Variants in BCL11B observed in about 807,000 individuals in gnomAD.
BCL11B encodes B-cell lymphoma/leukemia 11B.
A neutral mutation model predicts 49.9 loss-of-function variants in BCL11B; 8 were observed. The ratio of observed to expected loss-of-function variants is 0.16; its 90% CI spans 0.09 to 0.29. BCL11B has a LOEUF of 0.29. BCL11B is among the 10% of genes least tolerant of loss of function. The pLI is 1.00. For missense variants in BCL11B, 1,006 were observed against 1,351.0 expected (o/e 0.74, Z 4.00); for synonymous variants, 739 against 637.4 (o/e 1.16, Z -2.40).
At chr14:99,179,776 C>G (rs1412018437) in intron 3 of BCL11B, among the ~76,000 whole-genome samples, 1 of 152,136 alleles carries the variant, frequency 6.6e-6, no homozygotes, top group Non-Finnish European at 1.5e-5. Context: ...CCGCCCTAGA[C>G]AACTTTCTTT....
chr14:99,200,793 CAG>C (rs943204829), intron 3 of BCL11B, among the ~76,000 whole-genome samples: 65 of 152,332 alleles, frequency 4.3e-4, no homozygotes, highest in African/African-American at 1.5e-3. Flanking sequence ...TTCCAGAGGG[CAG>C]AGACTGCCCT....
At chr14:99,261,199 T>C (rs1052686800) in intron 1 of BCL11B, among the ~76,000 whole-genome samples, 1 of 151,990 alleles carries the variant, frequency 6.6e-6, no homozygotes, top group Non-Finnish European at 1.5e-5. Flanking sequence ...TGGGTCAGAG[T>C]AAGTGGACCA....
intron 2 of BCL11B, among the ~76,000 whole-genome samples, chr14:99,237,763 C>T (rs370609460): frequency 2.0e-5 from 3 of 152,258 alleles, no homozygotes; most frequent in African/African-American, 4.8e-5. Context: ...AAAAACAGTT[C>T]GAATCTACGT....
intron 3 of BCL11B, among the ~76,000 whole-genome samples, chr14:99,219,479 C>T (rs1003504465): frequency 6.6e-6 from 1 of 152,132 alleles, no homozygotes; most frequent in East Asian, 1.9e-4. Context: ...ACAAAGGACC[C>T]AAGGCCACTC....
chr14:99,230,650 G>A (rs894143671), intron 3 of BCL11B, among the ~76,000 whole-genome samples: 4 of 152,314 alleles, frequency 2.6e-5, no homozygotes, highest in Admixed American at 2.6e-4. Flanking sequence ...TCACCACACC[G>A]GCCCATCTGC....
Position 99,224,598 on chromosome 14 carries a change from C to T in BCL11B, c.640+6747G>A, listed in dbSNP as rs75187744. Among the ~76,000 whole-genome samples, 680 of 152,274 alleles carry T rather than the reference C, an allele frequency of 4.5e-3. 37 individuals are homozygous for T. The East Asian group carries it at 0.11, about 25-fold the overall frequency. ...GGCTTTCCGGCATCTCAGCTTTCTCCCTCCTTCCCTTCCCACCGGCCTTTT... is the reference window on the plus strand; with the variant it reads ...GGCTTTCCGGCATCTCAGCTTTCTCTCTCCTTCCCTTCCCACCGGCCTTTT... On this transcript the variant is annotated intron_variant, in intron 3 of 3. Coordinates refer to ENST00000357195, the MANE Select transcript of BCL11B (RefSeq NM_138576.4).
At chr14:99,254,084 C>A (rs985368076) in intron 2 of BCL11B, among the ~76,000 whole-genome samples, 3 of 152,220 alleles carry the variant, frequency 2.0e-5, no homozygotes, top group Non-Finnish European at 2.9e-5. Context: ...TGCCCATTAT[C>A]CCCATGTTGG....
Position 99,192,204 on chromosome 14 carries a change from C to T in BCL11B, c.641-16009G>A, listed in dbSNP as rs1019214005. On this transcript the variant is annotated intron_variant, in intron 3 of 3. Coordinates refer to ENST00000357195, the MANE Select transcript of BCL11B (RefSeq NM_138576.4). This position sits in a 1 kb window ranked among gnomAD's most constrained non-coding sequence, Gnocchi z 4.0. ...GACGGAATGCGTGTGTTTTGCTTGG[C>T]GGCTGTTCATAATACTGTCTTGGCA... Among the ~76,000 whole-genome samples the T allele has an allele frequency of 3.6e-4, 55 of 152,166 alleles. 2 individuals carry two copies. The highest frequency in any genetic ancestry group is 3.2e-3 in the Admixed American group (49 of 15,282).
rs1354878258 is a variant in BCL11B at position 99,231,459 on chromosome 14, C to A, written c.526G>T (p.Ala176Ser). The A allele has an allele frequency of 7.5e-6, 12 of 1,597,282 alleles. No homozygotes were observed. The highest frequency in any genetic ancestry group is 1.0e-5 in the Non-Finnish European group (12 of 1,172,036). Residue 176 changes from alanine (A) to serine (S), a missense_variant, in exon 3 of 4, where the codon GCT becomes TCT. Ala to Ser is a moderately conservative substitution (Grantham distance 99). Around this residue, in one of 6 missense-constraint regions of BCL11B, gnomAD observed 411 missense variants for 542.2 expected, o/e 0.76. Coordinates refer to ENST00000357195, the MANE Select transcript of BCL11B (RefSeq NM_138576.4). The surrounding 1 kb of genome is among the most constrained non-coding windows in gnomAD (Gnocchi z 8.1). ...VITSPLRALG[A>S]LPPCLPLPCC... is the part of the protein sequence containing the mutation. ...GGCAGGGGGAGGCAGGGCGGGAGAG[C>A]GCCCAGGGCACGCAGAGGTGAAGTG...
intron 3 of BCL11B, among the ~76,000 whole-genome samples, chr14:99,202,869 G>A (rs1175301649): frequency 3.3e-5 from 5 of 152,222 alleles, no homozygotes; most frequent in African/African-American, 1.2e-4. Flanking sequence ...TCTGGGTTCT[G>A]GTCTCTGGTC....
rs556592297 is a variant in BCL11B at position 99,170,654 on chromosome 14, C to G, written c.*3497G>C. The G allele has an allele frequency of 4.3e-6, 1 of 233,192 alleles. No individual in the cohort carries two copies. Among genetic ancestry groups the G allele is most frequent in the Admixed American group, 5.6e-5 (1 of 17,784 alleles). The allele number at this position is 233,192 out of a possible 1,614,324, so 14.4% of individuals were successfully genotyped here. A position where few individuals can be genotyped will look rare whatever the true frequency, so the allele number is the denominator to read the frequency against. ...AGAGAGAACGAGATATGGAAAGGCA[C>G]CAAATTCATCCCAGGCCCTCGCATT... is the stretch of plus-strand genomic sequence containing the variant. On this transcript the variant is annotated 3_prime_UTR_variant, in exon 4 of 4. Coordinates refer to ENST00000357195, the MANE Select transcript of BCL11B (RefSeq NM_138576.4).
intron 3 of BCL11B, among the ~76,000 whole-genome samples, chr14:99,209,547 C>T (rs904630856): frequency 2.0e-5 from 3 of 152,262 alleles, no homozygotes; most frequent in African/African-American, 4.8e-5. Context: ...GAAGCATGCG[C>T]CCAGCACGAC....
At chr14:99,181,957 A>G (rs979307842) in intron 3 of BCL11B, among the ~76,000 whole-genome samples, 1 of 152,156 alleles carries the variant, frequency 6.6e-6, no homozygotes, top group Non-Finnish European at 1.5e-5. Context: ...TATCCCTCAG[A>G]TGTGTAGATT....
At chr14:99,201,232 A>G (rs1292785497) in intron 3 of BCL11B, among the ~76,000 whole-genome samples, 1 of 152,220 alleles carries the variant, frequency 6.6e-6, no homozygotes, top group African/African-American at 2.4e-5. Context: ...ATTGTAAAGA[A>G]TGCCTGAAAA....
At chr14:99,252,551 C>T (rs1889037058) in intron 2 of BCL11B, among the ~76,000 whole-genome samples, 2 of 152,328 alleles carry the variant, frequency 1.3e-5, no homozygotes, top group South Asian at 4.2e-4. Flanking sequence ...CTTATCTGTG[C>T]CCCACCTGCT....
intron 1 of BCL11B, among the ~76,000 whole-genome samples, chr14:99,265,639 C>T (rs556728642): frequency 2.6e-5 from 4 of 152,182 alleles, no homozygotes; most frequent in South Asian, 2.1e-4. Flanking sequence ...TCGAGGTCAC[C>T]GTGCCTCTTC....
chr14:99,266,179 C>G (rs896840032), intron 1 of BCL11B, among the ~76,000 whole-genome samples: 7 of 152,136 alleles, frequency 4.6e-5, no homozygotes, highest in African/African-American at 1.7e-4. Context: ...TCCCTTAGTT[C>G]AGTGGGAACA....
At chr14:99,229,051 G>GC (rs1888244104) in intron 3 of BCL11B, among the ~76,000 whole-genome samples, 2 of 88,362 alleles carry the variant, frequency 2.3e-5, no homozygotes, top group South Asian at 6.3e-4. Flanking sequence ...TGCATGGATG[G>GC]ATGGATGGAT....
chr14:99,245,039 G>C (rs566571259), intron 2 of BCL11B, among the ~76,000 whole-genome samples: 1 of 152,160 alleles, frequency 6.6e-6, no homozygotes, highest in Non-Finnish European at 1.5e-5. Context: ...GGCTACAGGC[G>C]AACAGTATAC....
Sources: allele counts gnomAD v4.1 joint callset (sites outside exome capture counted in the v4.1 genomes callset), GRCh38; gene constraint gnomAD v4.1.1; regional missense constraint gnomAD v4.1.1; non-coding constraint Gnocchi (gnomAD v3.1); transcripts MANE v1.5; gene names NCBI Gene and HGNC (gene_info 2026-07-23, HGNC 2026-07-21).